HEMK2: variants seen among roughly 807,000 people sequenced by gnomAD.
HEMK2 encodes the protein methyltransferase HEMK2.
chr21:28,754,351 G>A, the HEMK2 span, among the ~76,000 whole-genome samples: 1 of 152,228 alleles, frequency 6.6e-6, no homozygotes, highest in South Asian at 2.1e-4. Context: ...GAACTTGGCG[G>A]AGCCTACCTC....
At chr21:28,655,691 G>A in the HEMK2 span, among the ~76,000 whole-genome samples, 1 of 152,010 alleles carries the variant, frequency 6.6e-6, no homozygotes, top group South Asian at 2.1e-4. Context: ...ATTGTGGTGT[G>A]AATTAAAGAT....
At chr21:28,780,409 C>T in the HEMK2 span, among the ~76,000 whole-genome samples, 3 of 117,236 alleles carry the variant, frequency 2.6e-5, no homozygotes, top group African/African-American at 1.4e-4. Context: ...CATCTCCTGA[C>T]CTCATGATCT....
the HEMK2 span, among the ~76,000 whole-genome samples, chr21:28,677,298 T>C: frequency 0.15 from 22,440 of 152,198 alleles, 1,918 homozygotes; most frequent in African/African-American, 0.23. Context: ...CCTTGCTCCT[T>C]GTTAGCACAG....
the HEMK2 span, among the ~76,000 whole-genome samples, chr21:28,768,828 A>G: frequency 6.6e-6 from 1 of 151,940 alleles, no homozygotes; most frequent in Non-Finnish European, 1.5e-5. Flanking sequence ...TAATAAATTA[A>G]ATGAGGTCAT....
chr21:28,638,745 C>T, the HEMK2 span, among the ~76,000 whole-genome samples: 1 of 152,126 alleles, frequency 6.6e-6, no homozygotes, highest in African/African-American at 2.4e-5. Context: ...GCTGGCCTCA[C>T]GTACATGGTG....
the HEMK2 span, among the ~76,000 whole-genome samples, chr21:28,705,916 A>G: frequency 6.6e-6 from 1 of 152,188 alleles, no homozygotes; most frequent in Non-Finnish European, 1.5e-5. Flanking sequence ...CCTTTCTCTG[A>G]TCACAATGGG....
the HEMK2 span, among the ~76,000 whole-genome samples, chr21:28,602,623 A>G: frequency 6.6e-6 from 1 of 152,220 alleles, no homozygotes; most frequent in Admixed American, 6.5e-5. Context: ...CCTTCAGGAA[A>G]CAAGGTCTAG....
chr21:28,768,300 T>C, the HEMK2 span, among the ~76,000 whole-genome samples: 1 of 152,110 alleles, frequency 6.6e-6, no homozygotes, highest in African/African-American at 2.4e-5. Context: ...TACATTCTAC[T>C]TCTTCCCCAC....
the HEMK2 span, among the ~76,000 whole-genome samples, chr21:28,824,215 C>CTGTTGT: frequency 1.3e-5 from 2 of 152,162 alleles, no homozygotes; most frequent in African/African-American, 4.8e-5. Context: ...GTTGTTGCTG[C>CTGTTGT]TGTTGTTGTT....
chr21:28,873,681 G>T, the HEMK2 span: 1 of 152,134 alleles, frequency 6.6e-6, no homozygotes, highest in African/African-American at 2.4e-5. Context: ...CCACCATTCG[G>T]GGTAGTCCAG....
chr21:28,612,917 G>GAAAAACACTACGAAAAACT, the HEMK2 span, among the ~76,000 whole-genome samples: 1 of 152,092 alleles, frequency 6.6e-6, no homozygotes, highest in East Asian at 1.9e-4. Flanking sequence ...ACGAAACACT[G>GAAAAACACTACGAAAAACT]ATGAAAGACA....
the HEMK2 span, among the ~76,000 whole-genome samples, chr21:28,723,924 G>A: frequency 1.3e-5 from 2 of 151,216 alleles, no homozygotes; most frequent in Non-Finnish European, 2.9e-5. Context: ...GCAACTTTGT[G>A]GTGAGAAAAG....
the HEMK2 span, among the ~76,000 whole-genome samples, chr21:28,711,716 G>C: frequency 6.6e-6 from 1 of 152,162 alleles, no homozygotes; most frequent in Non-Finnish European, 1.5e-5. Flanking sequence ...ACGTTTCAAG[G>C]AGGCTTTGAA....
chr21:28,585,346 TAAATA>T, the HEMK2 span, among the ~76,000 whole-genome samples: 1 of 150,470 alleles, frequency 6.6e-6, no homozygotes, highest in African/African-American at 2.4e-5. Flanking sequence ...AATAAATAAA[TAAATA>T]AATAAATAAA....
the HEMK2 span, among the ~76,000 whole-genome samples, chr21:28,668,621 G>A: frequency 6.6e-6 from 1 of 152,186 alleles, no homozygotes; most frequent in Non-Finnish European, 1.5e-5. Flanking sequence ...TAACAAGGAA[G>A]TACATGCCTC....
the HEMK2 span, among the ~76,000 whole-genome samples, chr21:28,880,917 A>G: frequency 1.4e-5 from 2 of 139,212 alleles, no homozygotes; most frequent in South Asian, 2.2e-4. Flanking sequence ...TAAGCTACAA[A>G]ATCATTTATT....
the HEMK2 span, among the ~76,000 whole-genome samples, chr21:28,582,704 T>G: frequency 6.6e-6 from 1 of 152,218 alleles, no homozygotes. Flanking sequence ...AAATAATTTA[T>G]TTCATTGACT....
At chr21:28,590,934 T>C in the HEMK2 span, among the ~76,000 whole-genome samples, 1 of 152,206 alleles carries the variant, frequency 6.6e-6, no homozygotes, top group African/African-American at 2.4e-5. Flanking sequence ...AAGGAGTGAA[T>C]TTCTTACCGG....
chr21:28,741,476 T>C, the HEMK2 span, among the ~76,000 whole-genome samples: 2 of 152,196 alleles, frequency 1.3e-5, no homozygotes, highest in Non-Finnish European at 2.9e-5. Flanking sequence ...GGGTTTGTTG[T>C]ACAGATTATT....
Sources: allele counts gnomAD v4.1 joint callset (sites outside exome capture counted in the v4.1 genomes callset), GRCh38; gene constraint gnomAD v4.1.1; transcripts MANE v1.5; gene names NCBI Gene and HGNC (gene_info 2026-07-23, HGNC 2026-07-21).